Variants in CCDC175 observed in about 807,000 individuals in gnomAD.
CCDC175 encodes the protein coiled-coil domain containing 175.
Under a neutral mutation model 114.6 loss-of-function variants are expected in CCDC175, and 100 were observed. The ratio of observed to expected loss-of-function variants is 0.87; its 90% CI spans 0.74 to 1.03. CCDC175 has a LOEUF of 1.03. Ranked by LOEUF, CCDC175 falls within the 50% of genes least tolerant of loss-of-function variation. The probability of loss-of-function intolerance (pLI) is 0.00; values close to 1 mark genes in which losing one functional copy is unlikely to be tolerated. For synonymous variants in CCDC175, 306 were observed against 308.7 expected (o/e 0.99, Z 0.09); for missense variants, 880 against 917.8 (o/e 0.96, Z 0.53).
intron 4 of CCDC175, among the ~76,000 whole-genome samples, chr14:59,565,582 C>T (rs1896489313): frequency 6.6e-6 from 1 of 151,990 alleles, no homozygotes; most frequent in Admixed American, 6.6e-5. Context: ...TGGCGTGCTC[C>T]TGTAATCCCA....
At chr14:59,520,835 G>T (rs1594991304) in intron 17 of CCDC175, among the ~76,000 whole-genome samples, 2 of 152,304 alleles carry the variant, frequency 1.3e-5, no homozygotes, top group South Asian at 2.1e-4. Flanking sequence ...TAGAGATGGG[G>T]TAGGTGATCG....
intron 10 of CCDC175, among the ~76,000 whole-genome samples, chr14:59,543,082 T>C (rs970583390): frequency 6.6e-6 from 1 of 152,174 alleles, no homozygotes; most frequent in African/African-American, 2.4e-5. Flanking sequence ...AGTGTTGTGA[T>C]AATGTTCAGG....
Position 59,527,096 on chromosome 14 carries a change from A to G in CCDC175, c.1841T>C (p.Met614Thr), listed in dbSNP as rs1893788563. The G allele has an allele frequency of 3.6e-6, 5 of 1,404,340 alleles. No homozygotes were observed. The highest frequency in any genetic ancestry group is 3.8e-6 in the Non-Finnish European group (4 of 1,059,942). 87.0% of individuals were successfully genotyped at this position (1,404,340 alleles called of 1,614,324 possible). Reference sequence around the variant, plus strand: ...AGAATTAATGCATTGATCTTTTACCATGTTGCTAATGTATCTTGAAAAGTC... The same window carrying G: ...AGAATTAATGCATTGATCTTTTACCGTGTTGCTAATGTATCTTGAAAAGTC... ...TRDFSRYISN[M>T]EDVKQELQQL... Residue 614 changes from methionine (M) to threonine (T), a missense_variant and splice_region_variant, in exon 15 of 20, where the codon ATG becomes ACG. Physicochemically the swap from Met to Thr is moderately conservative, Grantham distance 81. Coordinates refer to ENST00000537690, the MANE Select transcript of CCDC175 (RefSeq NM_001164399.2).
rs538273482 is a variant in CCDC175, at chr14:59,533,469, A to G, written c.1624-1559T>C. On this transcript the variant is annotated intron_variant, in intron 13 of 19. Transcript: ENST00000537690. ...TGTTAACCCTTTTCACATCTTGCTTATGTTCACTGTGTTTTAGCATATCTT... is the reference window on the plus strand; with the variant it reads ...TGTTAACCCTTTTCACATCTTGCTTGTGTTCACTGTGTTTTAGCATATCTT... Among the ~76,000 whole-genome samples the G allele has an allele frequency of 5.3e-5, 8 of 152,266 alleles. No individual in the cohort carries two copies. The East Asian group carries it at 1.5e-3, about 29-fold the overall frequency.
intron 18 of CCDC175, 135 bp downstream of exon 18, chr14:59,511,625 A>G (rs1892754548): frequency 2.3e-5 from 12 of 515,146 alleles, no homozygotes; most frequent in Non-Finnish European, 1.0e-5. Context: ...GGAGTGAGAG[A>G]GCTAGTGTGA....
chr14:59,510,427 T>C (rs763399176), intron 19 of CCDC175: 2 of 454,578 alleles, frequency 4.4e-6, no homozygotes, highest in Non-Finnish European at 7.9e-6. Flanking sequence ...AAAGAAGATT[T>C]AGTTATCTAG....
Position 59,520,513 on chromosome 14 carries a change from G to T in CCDC175, c.2098+1061C>A, listed in dbSNP as rs1893366629. On this transcript the variant is annotated intron_variant, in intron 17 of 19. Coordinates refer to ENST00000537690, the MANE Select transcript of CCDC175 (RefSeq NM_001164399.2). ...TTCCATTATAGGTATTTACCCAAGA[G>T]AAATGAAAACATGGCCATAAAAACA... Among the ~76,000 whole-genome samples, 4 of 152,204 alleles carry T rather than the reference G, an allele frequency of 2.6e-5. No homozygotes were observed. The South Asian group carries it at 6.2e-4, about 24-fold the overall frequency.
intron 17 of CCDC175, among the ~76,000 whole-genome samples, chr14:59,516,312 A>C (rs1276358022): frequency 1.3e-5 from 2 of 152,226 alleles, no homozygotes; most frequent in African/African-American, 2.4e-5. Context: ...AGAAATAACT[A>C]AGATCAGAGC....
chr14:59,552,380 A>T (rs1214316442), intron 7 of CCDC175, among the ~76,000 whole-genome samples: 2 of 152,214 alleles, frequency 1.3e-5, no homozygotes, highest in Non-Finnish European at 2.9e-5. Context: ...ACCTCCAGCA[A>T]ACTCCAACAG....
intron 17 of CCDC175, 98 bp downstream of exon 17, chr14:59,521,476 G>T: frequency 1.5e-6 from 1 of 669,230 alleles, no homozygotes; most frequent in South Asian, 2.0e-5. Flanking sequence ...ATGTGAGTCA[G>T]TTCTCCTTAA....
chr14:59,544,047 G>A (rs530964108), intron 9 of CCDC175, among the ~76,000 whole-genome samples: 2 of 152,322 alleles, frequency 1.3e-5, no homozygotes, highest in Admixed American at 1.3e-4. Context: ...AGCTTCACCT[G>A]TGAATAAGCT....
Position 59,525,399 on chromosome 14 carries a change from A to G in CCDC175, c.1878T>C (p.Asp626=), listed in dbSNP as rs1893684070. The G allele has an allele frequency of 6.6e-7, 1 of 1,514,198 alleles. No homozygotes were observed. Among genetic ancestry groups the G allele is most frequent in the Admixed American group, 2.3e-5 (1 of 43,192 alleles). The allele number at this position is 1,514,198 out of a possible 1,614,324, so 93.8% of individuals were successfully genotyped here. A position where few individuals can be genotyped will look rare whatever the true frequency, so the allele number is the denominator to read the frequency against. ...GATCTTTGTTTTTTTTGCTTTCTTG[A>G]TCTCGTAATTGTTGTAATTCTTGTT... ...DVKQELQQLR[D]QESKKNKDHF... is the part of the protein sequence containing the mutation. The change falls in exon 16 of 20, where the codon GAT becomes GAC. Residue 626 remains aspartate (D), a synonymous_variant. Coordinates refer to ENST00000537690, the MANE Select transcript of CCDC175 (RefSeq NM_001164399.2).
chr14:59,511,661 G>A, intron 18 of CCDC175, 99 bp downstream of exon 18: 1 of 947,340 alleles, frequency 1.1e-6, no homozygotes, highest in Non-Finnish European at 1.6e-6. Context: ...CGTGCATGCA[G>A]GTGCACACAG....
intron 13 of CCDC175, 71 bp from the exon 14 acceptor site, chr14:59,531,981 TA>T: frequency 1.3e-6 from 1 of 785,232 alleles, no homozygotes; most frequent in Non-Finnish European, 2.0e-6. Flanking sequence ...AAGTAGAATA[TA>T]AGTTTTTTGA....
At position 59,563,861 on chromosome 14, in the gene CCDC175, T is replaced by C; in HGVS notation, c.721-2A>G. On this transcript the variant is annotated splice_acceptor_variant, in intron 5 of 19. Transcript: ENST00000537690. LOFTEE classifies it high-confidence loss of function. ...ACGGGTATTTTCAAATTCATTAATC[T>C]ATAGTGACAAGCATAAGAAACCAAT... 1 of 1,408,030 alleles carries C rather than the reference T, an allele frequency of 7.1e-7. No individual in the cohort carries two copies. The highest frequency in any genetic ancestry group is 1.6e-5 in the South Asian group (1 of 62,008). The allele number at this position is 1,408,030 out of a possible 1,614,324, so 87.2% of individuals were successfully genotyped here.
At chr14:59,539,975 G>T (rs1269123783) in intron 11 of CCDC175, among the ~76,000 whole-genome samples, 6 of 152,028 alleles carry the variant, frequency 3.9e-5, no homozygotes, top group Non-Finnish European at 8.8e-5. Context: ...GGTGGCTGAG[G>T]CATGAGAATC....
chr14:59,560,051 T>C (rs1896139463), intron 7 of CCDC175, among the ~76,000 whole-genome samples: 1 of 152,156 alleles, frequency 6.6e-6, no homozygotes, highest in African/African-American at 2.4e-5. Context: ...TGTAAACTAA[T>C]ACTATTGAAT....
At chr14:59,508,565 C>A (rs1293207374) in intron 19 of CCDC175, among the ~76,000 whole-genome samples, 424 of 74,306 alleles carry the variant, frequency 5.7e-3, no homozygotes, top group South Asian at 0.019. Context: ...GGCCCTGTCT[C>A]AAAAAAAAAA....
intron 11 of CCDC175, among the ~76,000 whole-genome samples, 177 bp from the exon 12 acceptor site, chr14:59,539,017 T>A (rs1894592049): frequency 6.6e-6 from 1 of 152,226 alleles, no homozygotes; most frequent in African/African-American, 2.4e-5. Flanking sequence ...CTGCCTCAAT[T>A]CTGTCTCTGC....
Sources: gnomAD v4.1 joint callset for allele counts (sites outside exome capture counted in the v4.1 genomes callset) on GRCh38, gnomAD v4.1.1 for gene constraint, MANE v1.5 for transcripts, NCBI Gene and HGNC (gene_info 2026-07-23, HGNC 2026-07-21) for gene names.